FN1: variants seen among roughly 807,000 people sequenced by gnomAD.
The protein encoded by FN1 is fibronectin 1.
In FN1, 106 loss-of-function variants were observed where a neutral mutation model predicts 297.3. The ratio of observed to expected loss-of-function variants is 0.36; its 90% CI spans 0.30 to 0.42. The LOEUF is 0.42. FN1 is among the 10% of genes least tolerant of loss of function. The pLI, the probability that FN1 is intolerant of heterozygous loss-of-function variation, is 1.00. For missense variants in FN1, 2,690 were observed against 3,124.9 expected (o/e 0.86, Z 3.32); for synonymous variants, 1,149 against 1,152.6 (o/e 1.00, Z 0.06).
chr2:215,391,256 A>C (rs530807551), intron 26 of FN1, among the ~76,000 whole-genome samples: 1 of 152,350 alleles, frequency 6.6e-6, no homozygotes, highest in East Asian at 1.9e-4. Context: ...TAAAAATGAG[A>C]ATAAAGCACA....
chr2:215,383,940 G>GA (rs2058561393), intron 30 of FN1, 80 bp downstream of exon 30: 2 of 1,506,810 alleles, frequency 1.3e-6, no homozygotes, highest in African/African-American at 2.8e-5. Flanking sequence ...TCTACAATTA[G>GA]AAAAATACCT....
intron 4 of FN1, among the ~76,000 whole-genome samples, chr2:215,431,536 A>G (rs191024487): frequency 6.6e-6 from 1 of 152,220 alleles, no homozygotes; most frequent in Non-Finnish European, 1.5e-5. Flanking sequence ...ATCTTGACGA[A>G]GGAGGAATCT....
Position 215,373,327 on chromosome 2 carries a change from T to C in FN1, c.6242A>G (p.Lys2081Arg). The C allele has an allele frequency of 1.2e-6, 2 of 1,612,318 alleles. No individual in the cohort carries two copies. The highest frequency in any genetic ancestry group is 1.7e-6 in the Non-Finnish European group (2 of 1,178,546). The stretch of plus-strand genomic sequence containing the variant: ...TACCTGCAAGATACTCTTACCTGTC[T>C]TTTTCCTTCCAATCAGGGGCTCGCT... ...QKSEPLIGRK[K>R]TDELPQLVTL... The change falls in exon 39 of 46, where the codon AAG becomes AGG. Residue 2081 changes from lysine (K) to arginine (R), a missense_variant. Physicochemically the swap from Lys to Arg is conservative, Grantham distance 26. This residue lies in a region of FN1 where 1,743 missense variants were observed against 1,945.2 expected (regional missense o/e 0.90). Transcript: ENST00000354785.
At chr2:215,427,773 T>C (rs2065747153) in intron 6 of FN1, among the ~76,000 whole-genome samples, 2 of 152,214 alleles carry the variant, frequency 1.3e-5, no homozygotes. Context: ...TTTTTTGTCC[T>C]TTCCTAGCAG....
At chr2:215,419,156 A>C (rs911876468) in intron 12 of FN1, 86 bp downstream of exon 12, 1 of 1,189,440 alleles carries the variant, frequency 8.4e-7, no homozygotes, top group South Asian at 1.2e-5. Flanking sequence ...GAGACCCCCA[A>C]CTTAGGCATG....
intron 35 of FN1, among the ~76,000 whole-genome samples, 172 bp downstream of exon 35, chr2:215,378,003 C>G (rs1234365853): frequency 1.3e-5 from 2 of 151,812 alleles, no homozygotes; most frequent in African/African-American, 2.4e-5. Context: ...GAGACAGGGC[C>G]TTGCTATTTG....
At chr2:215,403,152 G>A (rs887830050) in intron 20 of FN1, among the ~76,000 whole-genome samples, 1 of 152,146 alleles carries the variant, frequency 6.6e-6, no homozygotes, top group African/African-American at 2.4e-5. Context: ...GTAGATCTTA[G>A]ACTATCTTAG....
intron 33 of FN1, 145 bp from the exon 34 acceptor site, chr2:215,379,462 C>T (rs200128763): frequency 8.7e-5 from 2 of 22,868 alleles, no homozygotes; most frequent in Non-Finnish European, 3.2e-4. Context: ...CAAGAAAGTA[C>T]GTACAGTAAG....
intron 32 of FN1, 124 bp downstream of exon 32, chr2:215,382,086 CAA>C (rs1403794788): frequency 1.4e-6 from 1 of 702,654 alleles, no homozygotes. Flanking sequence ...GGGCTCAGCT[CAA>C]GACATAAACT....
chr2:215,361,822 T>C (rs1381712173), intron 45 of FN1, 147 bp downstream of exon 45: 4 of 1,161,670 alleles, frequency 3.4e-6, no homozygotes, highest in Admixed American at 2.3e-5. Flanking sequence ...TTAAACTATA[T>C]TATGGAATAC....
chr2:215,361,655 T>A (rs752078579), intron 45 of FN1, 29 bp from the exon 46 acceptor site: 14 of 1,510,278 alleles, frequency 9.3e-6, no homozygotes, highest in African/African-American at 1.4e-5. Flanking sequence ...GAAAAAAAAA[T>A]TAGTGGCAAA....
At chr2:215,370,658 T>G (rs1485062454) in intron 40 of FN1, 8 of 537,374 alleles carry the variant, frequency 1.5e-5, no homozygotes, top group Non-Finnish European at 2.7e-5. Flanking sequence ...CTGCCAACAA[T>G]CTACCTACGT....
At chr2:215,404,323 G>GTTTTT (rs2061499176) in intron 20 of FN1, 66 bp downstream of exon 20, 6 of 1,405,238 alleles carry the variant, frequency 4.3e-6, no homozygotes, top group South Asian at 1.2e-5. Context: ...GTTTTGTTTT[G>GTTTTT]TTTTAAAGCA....
chr2:215,406,391 T>A lies in FN1; in HGVS notation c.2833A>T (p.Asn945Tyr), dbSNP rs2061779130. Reference protein sequence around the residue: ...TGYRVDVIPVNLPGEHGQRLP... With the variant: ...TGYRVDVIPVYLPGEHGQRLP... ...CTCTGCCCGTGCTCGCCAGGCAGGT[T>A]GACGGGGATCACATCCACACGGTAG... Residue 945 changes from asparagine (N) to tyrosine (Y), a missense_variant, in exon 19 of 46, where the codon AAC becomes TAC. By Grantham distance (143) the Asn-to-Tyr change is moderately radical. Transcript: ENST00000354785. The A allele has an allele frequency of 6.2e-7, 1 of 1,614,190 alleles. No homozygotes were observed. Among genetic ancestry groups the A allele is most frequent in the East Asian group, 2.2e-5 (1 of 44,876 alleles).
chr2:215,406,453 G>A lies in FN1; in HGVS notation c.2771C>T (p.Thr924Ile), dbSNP rs763477370. ...ACTCTCAGGCGGTGTCCACATGATG[G>A]TGACCTTCACGTCTGTCACTTCCAC... Reference protein sequence around the residue: ...QFVEVTDVKVTIMWTPPESAV... With the variant: ...QFVEVTDVKVIIMWTPPESAV... The change falls in exon 19 of 46, where the codon ACC becomes ATC. Residue 924 changes from threonine (T) to isoleucine (I), a missense_variant. Transcript: ENST00000354785. The A allele has an allele frequency of 6.2e-7, 1 of 1,614,182 alleles. No individual in the cohort carries two copies. Among genetic ancestry groups the A allele is most frequent in the Non-Finnish European group, 8.5e-7 (1 of 1,180,028 alleles).
At chr2:215,401,263 G>GAAGGAAGGAAGGAAGGAAGGAAGGGA (rs201679295) in intron 20 of FN1, among the ~76,000 whole-genome samples, 7 of 74,132 alleles carry the variant, frequency 9.4e-5, no homozygotes, top group African/African-American at 4.8e-4. Flanking sequence ...AGAAAGAAAG[G>GAAGGAAGGAAGGAAGGAAGGAAGGGA]AAGGAAAGGA....
intron 23 of FN1, 136 bp downstream of exon 23, chr2:215,397,001 T>G (rs2060378359): frequency 2.6e-6 from 2 of 761,186 alleles, no homozygotes. Flanking sequence ...GTACATCATG[T>G]ACTGCTATAG....
intron 13 of FN1, among the ~76,000 whole-genome samples, chr2:215,413,285 A>C (rs1180000195): frequency 6.6e-6 from 1 of 152,030 alleles, no homozygotes; most frequent in African/African-American, 2.4e-5. Flanking sequence ...AGCCTGGCTA[A>C]TTTTTGTATT....
At position 215,384,101 on chromosome 2, in the gene FN1, A is replaced by T. The variant is rs779812143; in HGVS notation, c.4813T>A (p.Tyr1605Asn). The stretch of plus-strand genomic sequence containing the variant: ...GTGACAGCATACACAGTGATGGTAT[A>T]ATCAACTCCAGGTTTAAGGCCGCTG... The part of the protein sequence containing the change: ...TISGLKPGVD[Y>N]TITVYAVTGR... Residue 1605 changes from tyrosine to asparagine, a missense_variant, in exon 30 of 46, where the codon TAT becomes AAT. Tyr to Asn is a moderately radical substitution (Grantham distance 143, BLOSUM62 -2). Around this residue, in one of 3 missense-constraint regions of FN1, gnomAD observed 1,743 missense variants for 1,945.2 expected, o/e 0.90. Transcript: ENST00000354785. 6.2e-7 allele frequency: 1 copy of T among 1,614,170 alleles called. No homozygotes were observed. The highest frequency in any genetic ancestry group is 1.3e-5 in the African/African-American group (1 of 75,052).
Sources: gnomAD v4.1 joint callset for allele counts (sites outside exome capture counted in the v4.1 genomes callset) on GRCh38, gnomAD v4.1.1 for gene constraint, gnomAD v4.1.1 regional missense constraint, MANE v1.5 for transcripts, NCBI Gene and HGNC (gene_info 2026-07-23, HGNC 2026-07-21) for gene names.